Variants in CNTN5 observed in about 807,000 individuals in gnomAD.
CNTN5 encodes the protein contactin-5.
In CNTN5, 77 loss-of-function variants were observed where a neutral mutation model predicts 129.1. The ratio of observed to expected loss-of-function variants is 0.60; its 90% CI spans 0.50 to 0.72. The LOEUF (loss-of-function observed/expected upper bound fraction) is 0.72. CNTN5 is among the 30% of genes least tolerant of loss of function. The pLI, the probability that CNTN5 is intolerant of heterozygous loss-of-function variation, is 0.00. For missense variants in CNTN5, 1,478 were observed against 1,328.8 expected, an observed-to-expected ratio of 1.11 and a Z score of -1.75; for synonymous variants, 509 against 465.6, an observed-to-expected ratio of 1.09 and a Z score of -1.20.
rs1344461846 is a variant in CNTN5, at chr11:100,037,753, T to C, written c.981-23459T>C. 3.9e-5 allele frequency among the ~76,000 whole-genome samples: 6 copies of C among 152,114 alleles called. No individual in the cohort carries two copies. The South Asian group carries it at 1.2e-3, about 32-fold the overall frequency. ...TCTTCTAGATTTTCTAGTTTATTTGTGTAGAGGTGTTTATAGTATTCTCTG... is the reference window on the plus strand; with the variant it reads ...TCTTCTAGATTTTCTAGTTTATTTGCGTAGAGGTGTTTATAGTATTCTCTG... On this transcript the variant is annotated intron_variant, in intron 9 of 24. Coordinates refer to ENST00000524871, the MANE Select transcript of CNTN5 (RefSeq NM_014361.4).
At chr11:99,085,454 A>G (rs1371235241) in intron 1 of CNTN5, among the ~76,000 whole-genome samples, 5 of 152,210 alleles carry the variant, frequency 3.3e-5, no homozygotes, top group African/African-American at 4.8e-5. Flanking sequence ...TGGAATTATC[A>G]TAATAAAAAG....
chr11:100,277,583 G>A (rs1202970449), intron 18 of CNTN5, among the ~76,000 whole-genome samples: 3 of 152,082 alleles, frequency 2.0e-5, no homozygotes, highest in Non-Finnish European at 4.4e-5. Flanking sequence ...ATTATGCTGA[G>A]CACATTTTCA....
chr11:100,193,548 T>C lies in CNTN5; in HGVS notation c.1769T>C (p.Val590Ala), dbSNP rs775120350. The C allele has an allele frequency of 1.2e-6, 2 of 1,611,306 alleles. No individual in the cohort carries two copies. The highest frequency in any genetic ancestry group is 1.7e-6 in the Non-Finnish European group (2 of 1,178,314). Residue 590 changes from valine to alanine, a missense_variant, in exon 15 of 25, where the codon GTC becomes GCC. Transcript: ENST00000524871. ...GAATTGACAGTGGGAGAAAGCATTG[T>C]CCTTAATTGCAAAGCAATTCACGAT... ...RTELTVGESIVLNCKAIHDAS... is the reference protein window; with the variant it reads ...RTELTVGESIALNCKAIHDAS...
chr11:100,288,544 T>C (rs1950860810), intron 18 of CNTN5, among the ~76,000 whole-genome samples: 1 of 152,060 alleles, frequency 6.6e-6, no homozygotes, highest in African/African-American at 2.4e-5. Context: ...GAAATAAAGA[T>C]GTTCTTTGAA....
chr11:99,535,842 A>T (rs1947880441), intron 2 of CNTN5, among the ~76,000 whole-genome samples: 1 of 152,140 alleles, frequency 6.6e-6, no homozygotes, highest in South Asian at 2.1e-4. Flanking sequence ...AATTGAATCC[A>T]CTAAGATGCA....
chr11:99,428,261 GA>G (rs113262272), intron 2 of CNTN5, among the ~76,000 whole-genome samples: 32,949 of 151,174 alleles, frequency 0.22, 4,317 homozygotes, highest in Middle Eastern at 0.38. Context: ...ACTTTTTTAA[GA>G]AAAAAAAGGC....
intron 1 of CNTN5, among the ~76,000 whole-genome samples, chr11:99,272,297 T>C (rs987000154): frequency 6.7e-6 from 1 of 149,286 alleles, no homozygotes; most frequent in Non-Finnish European, 1.5e-5. Flanking sequence ...GAGTAAGCAG[T>C]CTTTTTTTTT....
chr11:100,252,078 C>T (rs535550372), intron 16 of CNTN5, among the ~76,000 whole-genome samples: 12 of 152,106 alleles, frequency 7.9e-5, no homozygotes, highest in East Asian at 1.9e-4. Flanking sequence ...CACCAACAAT[C>T]GTTATTTTTG....
At chr11:99,231,157 G>A (rs1860973701) in intron 1 of CNTN5, among the ~76,000 whole-genome samples, 2 of 152,000 alleles carry the variant, frequency 1.3e-5, no homozygotes, top group Non-Finnish European at 2.9e-5. Context: ...ATATTCCTTT[G>A]GGTATATACC....
At chr11:99,723,775 TGCGTGTGCATGCGCAC>T (rs1430149073) in intron 3 of CNTN5, among the ~76,000 whole-genome samples, 1 of 143,330 alleles carries the variant, frequency 7.0e-6, no homozygotes, top group Non-Finnish European at 1.6e-5. Flanking sequence ...TGTGTGTGCA[TGCGTGTGCATGCGCAC>T]GCGTGTGTGT....
At chr11:99,290,035 T>C (rs1413036450) in intron 1 of CNTN5, among the ~76,000 whole-genome samples, 1 of 151,848 alleles carries the variant, frequency 6.6e-6, no homozygotes, top group Non-Finnish European at 1.5e-5. Context: ...TTCTGCTACA[T>C]CTGAAGTTAT....
intron 1 of CNTN5, among the ~76,000 whole-genome samples, chr11:99,258,650 A>T: frequency 6.6e-6 from 1 of 152,048 alleles, no homozygotes; most frequent in East Asian, 1.9e-4. Context: ...TAATAAACTC[A>T]TTCATTATAA....
chr11:100,116,803 TA>T (rs1039011644), intron 13 of CNTN5, among the ~76,000 whole-genome samples: 4 of 151,944 alleles, frequency 2.6e-5, no homozygotes, highest in East Asian at 1.9e-4. Flanking sequence ...ATTGTTGATT[TA>T]AAAAAAAGTA....
At chr11:99,719,662 A>G (rs1314363762) in intron 3 of CNTN5, among the ~76,000 whole-genome samples, 2 of 152,082 alleles carry the variant, frequency 1.3e-5, no homozygotes, top group African/African-American at 4.8e-5. Context: ...TCAACCTCAA[A>G]GCTACCAGAA....
intron 1 of CNTN5, among the ~76,000 whole-genome samples, chr11:99,106,786 A>G (rs577648919): frequency 2.6e-5 from 4 of 152,184 alleles, no homozygotes; most frequent in African/African-American, 4.8e-5. Context: ...TTCATAACTT[A>G]AAGAACACAG....
chr11:99,898,092 T>A (rs1949256252), intron 6 of CNTN5, among the ~76,000 whole-genome samples: 1 of 151,990 alleles, frequency 6.6e-6, no homozygotes, highest in Admixed American at 6.6e-5. Context: ...AGAGGAAATT[T>A]TATAGCATTA....
intron 2 of CNTN5, among the ~76,000 whole-genome samples, chr11:99,402,106 G>C (rs181412381): frequency 2.6e-5 from 4 of 152,152 alleles, no homozygotes; most frequent in Non-Finnish European, 5.9e-5. Flanking sequence ...CAGTACTGTA[G>C]GGAATAACAG....
chr11:99,327,824 A>C (rs1483331561), intron 2 of CNTN5, among the ~76,000 whole-genome samples: 4 of 152,218 alleles, frequency 2.6e-5, no homozygotes, highest in Admixed American at 2.6e-4. Flanking sequence ...AATATATATT[A>C]AAAGCGGTCC....
At chr11:99,698,521 G>A (rs1467297888) in intron 3 of CNTN5, among the ~76,000 whole-genome samples, 2 of 151,352 alleles carry the variant, frequency 1.3e-5, no homozygotes, top group African/African-American at 4.8e-5. Context: ...GACTGTAGTT[G>A]CATGCTTATG....
Sources: allele counts gnomAD v4.1 joint callset (sites outside exome capture counted in the v4.1 genomes callset), GRCh38; gene constraint gnomAD v4.1.1; transcripts MANE v1.5; gene names NCBI Gene and HGNC (gene_info 2026-07-23, HGNC 2026-07-21).